TMEM178B: variants seen among roughly 807,000 people sequenced by gnomAD.
The protein encoded by TMEM178B is transmembrane protein 178B.
In TMEM178B, 5 loss-of-function variants were observed where a neutral mutation model predicts 31.0. The observed-to-expected ratio is 0.16, with a 90% confidence interval of 0.08 to 0.34. The LOEUF is 0.34. TMEM178B is among the 10% of genes least tolerant of loss of function. TMEM178B has a pLI of 1.00. For missense variants in TMEM178B, 275 were observed against 400.3 expected (o/e 0.69, Z 2.67); for synonymous variants, 164 against 164.0 (o/e 1.00, Z 0.00).
At chr7:141,468,785 C>G (rs763441176) in intron 3 of TMEM178B, among the ~76,000 whole-genome samples, 5 of 152,260 alleles carry the variant, frequency 3.3e-5, no homozygotes, top group Non-Finnish European at 7.4e-5. Flanking sequence ...ATAGCTCTCT[C>G]TCTTGCAGAG....
At position 141,171,474 on chromosome 7, in the gene TMEM178B, G is replaced by T. The variant is rs1172557353; in HGVS notation, c.383-41117G>T. 6.6e-6 allele frequency among the ~76,000 whole-genome samples: 1 copy of T among 152,212 alleles called. No individual in the cohort carries two copies. The highest frequency in any genetic ancestry group is 1.5e-5 in the Non-Finnish European group (1 of 68,030). On this transcript the variant is annotated intron_variant, in intron 1 of 3. Transcript: ENST00000565468. This position sits in a 1 kb window ranked among gnomAD's most constrained non-coding sequence, Gnocchi z 4.3. Reference sequence around the variant, plus strand: ...GCCCACAATCACTTAGCTGGCAAGTGATGGAGACAGAATTAGAACTCAGGT... The same window carrying T: ...GCCCACAATCACTTAGCTGGCAAGTTATGGAGACAGAATTAGAACTCAGGT...
chr7:141,509,565 G>C, the TMEM178B span, among the ~76,000 whole-genome samples: 2 of 152,126 alleles, frequency 1.3e-5, no homozygotes, highest in Non-Finnish European at 2.9e-5. Context: ...TAGCAGAATC[G>C]CATGAACCTG....
intron 2 of TMEM178B, among the ~76,000 whole-genome samples, chr7:141,300,386 G>A (rs1798703077): frequency 6.6e-6 from 1 of 152,166 alleles, no homozygotes; most frequent in Admixed American, 6.5e-5. Flanking sequence ...TCCTCAGGAA[G>A]AAAGGCTATT....
intron 3 of TMEM178B, among the ~76,000 whole-genome samples, chr7:141,449,861 C>T (rs1233717521): frequency 3.3e-5 from 5 of 152,244 alleles, no homozygotes; most frequent in African/African-American, 4.8e-5. Context: ...CTGTACAATA[C>T]AGGGGCCTTT....
chr7:141,435,994 G>A (rs1041160511), intron 2 of TMEM178B, among the ~76,000 whole-genome samples: 1 of 152,090 alleles, frequency 6.6e-6, no homozygotes, highest in African/African-American at 2.4e-5. Context: ...CCCCTCCTGT[G>A]CCCCGTCTCT....
chr7:141,377,046 C>G (rs1006667064), intron 2 of TMEM178B, among the ~76,000 whole-genome samples: 1 of 151,970 alleles, frequency 6.6e-6, no homozygotes, highest in Non-Finnish European at 1.5e-5. Context: ...AAAATATGCC[C>G]TAAGATTGTA....
chr7:141,350,175 T>C (rs1022517231), intron 2 of TMEM178B, among the ~76,000 whole-genome samples: 4 of 152,194 alleles, frequency 2.6e-5, no homozygotes, highest in Admixed American at 6.5e-5. Flanking sequence ...AGAAAACCAG[T>C]TGATTACATT....
chr7:141,470,715 G>T lies in TMEM178B; in HGVS notation c.814G>T (p.Ala272Ser). ...CATCTCGGGATTCTTCTGTACCTTAGCCCCTTCTGTTCAACCTGTCCCGAG... is the reference window on the plus strand; with the variant it reads ...CATCTCGGGATTCTTCTGTACCTTATCCCCTTCTGTTCAACCTGTCCCGAG... ...TLISGFFCTL[A>S]PSVQPVPRTN... is the part of the protein sequence containing the mutation. Residue 272 changes from alanine to serine, a missense_variant, in exon 4 of 4, where the codon GCC becomes TCC. Physicochemically the swap from Ala to Ser is moderately conservative, Grantham distance 99 (BLOSUM62 1). Transcript: ENST00000565468. 1.3e-6 allele frequency: 2 copies of T among 1,535,112 alleles called. No homozygotes were observed. The highest frequency in any genetic ancestry group is 1.7e-6 in the Non-Finnish European group (2 of 1,146,624).
intron 1 of TMEM178B, among the ~76,000 whole-genome samples, chr7:141,110,145 T>C (rs369559572): frequency 3.9e-5 from 6 of 152,240 alleles, no homozygotes; most frequent in East Asian, 1.9e-4. Flanking sequence ...TTTAAAACCG[T>C]ATCTTTTAAT....
intron 1 of TMEM178B, among the ~76,000 whole-genome samples, chr7:141,182,412 C>T (rs1796543858): frequency 6.6e-6 from 1 of 152,124 alleles, no homozygotes; most frequent in Non-Finnish European, 1.5e-5. Context: ...TACTGGTCAT[C>T]CCTGTATTGT....
chr7:141,373,527 G>A lies in TMEM178B; in HGVS notation c.497-64081G>A, dbSNP rs141425451. On this transcript the variant is annotated intron_variant, in intron 2 of 3. Transcript: ENST00000565468. ...AAGCAGGACTGCTCAGAGTGGGAGGGTGAACTACCATGCAGTTGCAGCCAA... is the reference window on the plus strand; with the variant it reads ...AAGCAGGACTGCTCAGAGTGGGAGGATGAACTACCATGCAGTTGCAGCCAA... Among the ~76,000 whole-genome samples the A allele has an allele frequency of 2.6e-3, 398 of 152,352 alleles. 4 individuals carry two copies. The highest frequency in any genetic ancestry group is 8.7e-3 in the African/African-American group (362 of 41,578).
At chr7:141,093,915 G>A (rs1180702276) in intron 1 of TMEM178B, among the ~76,000 whole-genome samples, 1 of 152,130 alleles carries the variant, frequency 6.6e-6, no homozygotes, top group African/African-American at 2.4e-5. Flanking sequence ...GGAAGGAGAG[G>A]AATTGGAGAC....
At chr7:141,358,669 C>T (rs1030207641) in intron 2 of TMEM178B, among the ~76,000 whole-genome samples, 1 of 151,878 alleles carries the variant, frequency 6.6e-6, no homozygotes, top group East Asian at 1.9e-4. Context: ...CATTTTGTTC[C>T]TCTTTATCTA....
rs1795771408 is a variant in TMEM178B, at chr7:141,141,706, T to C, written c.382+67014T>C. Among the ~76,000 whole-genome samples, 3 of 152,162 alleles carry C rather than the reference T, an allele frequency of 2.0e-5. No individual in the cohort carries two copies. In the South Asian group the frequency reaches 6.2e-4, roughly 31 times the overall value. On this transcript the variant is annotated intron_variant, in intron 1 of 3. Coordinates refer to ENST00000565468, the MANE Select transcript of TMEM178B (RefSeq NM_001195278.2). ...GAAGCAGAACTTTCATGACAGAGCTTGCAATGTTCATTCAACACCTGATGA... is the reference window on the plus strand; with the variant it reads ...GAAGCAGAACTTTCATGACAGAGCTCGCAATGTTCATTCAACACCTGATGA...
At position 141,262,474 on chromosome 7, in the gene TMEM178B, A is replaced by AATAT. The variant is rs10570183; in HGVS notation, c.496+49797_496+49800dup. 8.5e-3 allele frequency among the ~76,000 whole-genome samples: 1,122 copies of AATAT among 131,812 alleles called. 21 individuals carry two copies. The highest frequency in any genetic ancestry group is 0.016 in the African/African-American group (526 of 33,894). The allele number at this position is 131,812 out of a possible 152,430, so 86.5% of individuals were successfully genotyped here. On this transcript the variant is annotated intron_variant, in intron 2 of 3. Coordinates refer to ENST00000565468, the MANE Select transcript of TMEM178B (RefSeq NM_001195278.2). ...AATGGAAAGCTTGATAAATACATAT[A>AATAT]ATATATATATATATATATATATATA...
chr7:141,401,587 T>A (rs1586936370), intron 2 of TMEM178B, among the ~76,000 whole-genome samples: 3 of 151,062 alleles, frequency 2.0e-5, no homozygotes, highest in African/African-American at 7.4e-5. Context: ...AGCTATTTTT[T>A]TATTTTTTTA....
intron 2 of TMEM178B, among the ~76,000 whole-genome samples, chr7:141,241,756 A>G (rs1015520310): frequency 2.6e-5 from 4 of 152,172 alleles, no homozygotes; most frequent in Non-Finnish European, 5.9e-5. Context: ...CATGAACTAC[A>G]TACCTAATTT....
intron 1 of TMEM178B, among the ~76,000 whole-genome samples, chr7:141,197,529 C>T (rs770944181): frequency 1.7e-4 from 26 of 152,144 alleles, no homozygotes; most frequent in Non-Finnish European, 2.6e-4. Flanking sequence ...AACTTAAACA[C>T]GGAAATAATC....
chr7:141,180,329 G>T (rs181230623), intron 1 of TMEM178B, among the ~76,000 whole-genome samples: 2 of 151,796 alleles, frequency 1.3e-5, no homozygotes, highest in African/African-American at 4.8e-5. Flanking sequence ...GCTTGGAGGC[G>T]GGCACTGTAA....
Sources: gnomAD v4.1 joint callset for allele counts (sites outside exome capture counted in the v4.1 genomes callset) on GRCh38, gnomAD v4.1.1 for gene constraint, Gnocchi (gnomAD v3.1) non-coding constraint, MANE v1.5 for transcripts, NCBI Gene and HGNC (gene_info 2026-07-23, HGNC 2026-07-21) for gene names.